The following EXOC1 variants were observed in gnomAD, a reference collection of about 807,000 sequenced individuals.
The protein encoded by EXOC1 is SEC3-like 1.
In EXOC1, 67 loss-of-function variants were observed where a neutral mutation model predicts 107.7. The ratio of observed to expected loss-of-function variants is 0.62; its 90% CI spans 0.51 to 0.76. EXOC1 has a LOEUF of 0.76. EXOC1 is among the 30% of genes least tolerant of loss of function. The pLI, the probability that EXOC1 is intolerant of heterozygous loss-of-function variation, is 0.00. For synonymous variants in EXOC1, 348 were observed against 353.5 expected (o/e 0.98, Z 0.17); for missense variants, 833 against 1,055.7 (o/e 0.79, Z 2.92).
At chr4:55,855,642 G>A (rs1176933692) in intron 1 of EXOC1, among the ~76,000 whole-genome samples, 2 of 152,162 alleles carry the variant, frequency 1.3e-5, no homozygotes, top group East Asian at 1.9e-4. Context: ...CTCTTTGCGT[G>A]GGGCGGCTGC....
intron 17 of EXOC1, chr4:55,902,104 G>A (rs1726014742): frequency 3.5e-6 from 1 of 285,190 alleles, no homozygotes; most frequent in African/African-American, 2.2e-5. Flanking sequence ...TAAATGTAAA[G>A]TGGGACATGA....
chr4:55,860,064 G>A (rs1288872966), intron 2 of EXOC1, among the ~76,000 whole-genome samples: 2 of 152,220 alleles, frequency 1.3e-5, no homozygotes, highest in Admixed American at 1.3e-4. Flanking sequence ...ATATATAAAT[G>A]TATTGTTGCT....
At chr4:55,861,889 A>G (rs1350514124) in intron 3 of EXOC1, among the ~76,000 whole-genome samples, 1 of 152,218 alleles carries the variant, frequency 6.6e-6, no homozygotes, top group East Asian at 1.9e-4. Flanking sequence ...CCCTGTCTCT[A>G]CTAAAATACA....
intron 9 of EXOC1, among the ~76,000 whole-genome samples, chr4:55,880,012 A>G (rs904227731): frequency 1.3e-5 from 2 of 152,168 alleles, no homozygotes; most frequent in Non-Finnish European, 1.5e-5. Flanking sequence ...AGCAACTTCT[A>G]TCTGGTATCT....
intron 8 of EXOC1, chr4:55,872,804 T>A: frequency 1.0e-6 from 1 of 980,228 alleles, no homozygotes; most frequent in Non-Finnish European, 1.2e-6. Flanking sequence ...TTTCTTTCGG[T>A]TCCTGTGAGT....
chr4:55,904,320 A>T, intron 18 of EXOC1, 23 bp from the exon 19 acceptor site: 1 of 1,570,478 alleles, frequency 6.4e-7, no homozygotes, highest in South Asian at 1.2e-5. Flanking sequence ...TCATAGCCTA[A>T]TGACTTTTTT....
intron 15 of EXOC1, among the ~76,000 whole-genome samples, chr4:55,895,932 T>G (rs910652195): frequency 1.3e-5 from 2 of 152,298 alleles, no homozygotes; most frequent in East Asian, 3.9e-4. Context: ...AATTTTAGAC[T>G]GACGAAAATT....
At chr4:55,864,409 A>T in intron 4 of EXOC1, 23 bp downstream of exon 4, 1 of 1,563,830 alleles carries the variant, frequency 6.4e-7, no homozygotes, top group Non-Finnish European at 8.7e-7. Context: ...AAAAATGTAT[A>T]TGTAAAATCA....
rs1436951912 is a variant in EXOC1, at chr4:55,893,559, A to G, written c.1732A>G (p.Met578Val). The G allele has an allele frequency of 8.1e-6, 13 of 1,612,738 alleles. No individual in the cohort carries two copies. In the East Asian group the frequency reaches 1.1e-4, roughly 14 times the overall value. The change falls in exon 15 of 19, where the codon ATG becomes GTG. Residue 578 changes from methionine (M) to valine (V), a missense_variant. Physicochemically the swap from Met to Val is conservative, Grantham distance 21. Coordinates refer to ENST00000381295, the MANE Select transcript of EXOC1 (RefSeq NM_001024924.2). ...TGTCTGTTTTCTGAACAGGAAAGAT[A>G]TGATCCGCCAAATGATGATTAAAAT... is the stretch of plus-strand genomic sequence containing the variant. ...TPLPVSSEKDMIRQMMIKIFR... is the reference protein window; with the variant it reads ...TPLPVSSEKDVIRQMMIKIFR...
At chr4:55,858,649 A>C (rs2110307439) in intron 2 of EXOC1, among the ~76,000 whole-genome samples, 1 of 152,262 alleles carries the variant, frequency 6.6e-6, no homozygotes, top group African/African-American at 2.4e-5. Flanking sequence ...TTGTGGTTTT[A>C]AATTATATTT....
chr4:55,854,751 GAGA>G (rs2110297421), intron 1 of EXOC1, among the ~76,000 whole-genome samples: 1 of 152,316 alleles, frequency 6.6e-6, no homozygotes, highest in South Asian at 2.1e-4. Context: ...CTTTTAGCCA[GAGA>G]AGGAGTATGT....
At chr4:55,880,914 G>A (rs1161828680) in intron 9 of EXOC1, among the ~76,000 whole-genome samples, 1 of 152,144 alleles carries the variant, frequency 6.6e-6, no homozygotes, top group African/African-American at 2.4e-5. Context: ...TTGCTGAAGA[G>A]TTGTCAAAAA....
At chr4:55,861,819 C>G (rs961626618) in intron 3 of EXOC1, among the ~76,000 whole-genome samples, 1 of 152,166 alleles carries the variant, frequency 6.6e-6, no homozygotes, top group African/African-American at 2.4e-5. Context: ...TTTGGGAGGC[C>G]GAGGCTGGTG....
chr4:55,886,567 C>CA (rs1553878021), intron 10 of EXOC1, among the ~76,000 whole-genome samples: 5 of 119,684 alleles, frequency 4.2e-5, no homozygotes, highest in Non-Finnish European at 7.3e-5. Flanking sequence ...AACAAAAAAA[C>CA]AAAAAAACAA....
At chr4:55,854,535 A>T (rs939504849) in intron 1 of EXOC1, among the ~76,000 whole-genome samples, 1 of 152,236 alleles carries the variant, frequency 6.6e-6, no homozygotes, top group Non-Finnish European at 1.5e-5. Flanking sequence ...CTTAGGATGT[A>T]AATGCCATAG....
rs76968010 is a variant in EXOC1, at chr4:55,899,796, C to T, written c.2249C>T (p.Ala750Val). ...LSRLKISCLEAEKKEAKQKYT... is the reference protein window; with the variant it reads ...LSRLKISCLEVEKKEAKQKYT... Reference sequence around the variant, plus strand: ...CGATTGAAAATCTCATGTCTAGAAGCAGAAAAAAAAGAAGCCAAACAAAAA... The same window carrying T: ...CGATTGAAAATCTCATGTCTAGAAGTAGAAAAAAAAGAAGCCAAACAAAAA... The change falls in exon 17 of 19, where the codon GCA (alanine) becomes GTA (valine). Residue 750 changes from alanine (A) to valine (V), a missense_variant. Physicochemically the swap from Ala to Val is moderately conservative, Grantham distance 64. Around this residue, in one of 2 missense-constraint regions of EXOC1, gnomAD observed 216 missense variants for 354.4 expected, o/e 0.61. Transcript: ENST00000381295. 1 of 1,612,972 alleles carries T rather than the reference C, an allele frequency of 6.2e-7. No homozygotes were observed. Among genetic ancestry groups the T allele is most frequent in the Non-Finnish European group, 8.5e-7 (1 of 1,179,504 alleles).
chr4:55,863,378 C>G lies in EXOC1; in HGVS notation c.256-849C>G, dbSNP rs1721657903. 2.6e-5 allele frequency among the ~76,000 whole-genome samples: 4 copies of G among 152,040 alleles called. No individual in the cohort carries two copies. In the South Asian group the frequency reaches 8.3e-4, roughly 32 times the overall value. On this transcript the variant is annotated intron_variant, in intron 3 of 18. Coordinates refer to ENST00000381295, the MANE Select transcript of EXOC1 (RefSeq NM_001024924.2). ...GTTAGGCCAGGAACAGGGCTCATGC[C>G]TGTAATTCCAGCACTTTGGGAGGCC...
Position 55,904,406 on chromosome 4 carries a change from G to T in EXOC1, c.2596G>T (p.Ala866Ser). ...RQYKHFEGLI[A>S]RCYPGSGVTM... The stretch of plus-strand genomic sequence containing the variant: ...GTATAAGCACTTTGAAGGTTTGATA[G>T]CTCGCTGTTATCCTGGATCTGGTGT... The change falls in exon 19 of 19, where the codon GCT becomes TCT. Residue 866 changes from alanine to serine, a missense_variant. Physicochemically the swap from Ala to Ser is moderately conservative, Grantham distance 99. Around this residue, in one of 2 missense-constraint regions of EXOC1, gnomAD observed 216 missense variants for 354.4 expected, o/e 0.61. Coordinates refer to ENST00000381295, the MANE Select transcript of EXOC1 (RefSeq NM_001024924.2). 6.2e-7 allele frequency: 1 copy of T among 1,612,458 alleles called. No individual in the cohort carries two copies. The highest frequency in any genetic ancestry group is 8.5e-7 in the Non-Finnish European group (1 of 1,179,628).
At chr4:55,873,591 T>G (rs1254658343) in intron 8 of EXOC1, among the ~76,000 whole-genome samples, 1 of 152,194 alleles carries the variant, frequency 6.6e-6, no homozygotes, top group African/African-American at 2.4e-5. Flanking sequence ...CCTTGTAAAC[T>G]AATGGCCTCG....
Sources: gnomAD v4.1 joint callset for allele counts (sites outside exome capture counted in the v4.1 genomes callset) on GRCh38, gnomAD v4.1.1 for gene constraint, gnomAD v4.1.1 regional missense constraint, MANE v1.5 for transcripts, NCBI Gene and HGNC (gene_info 2026-07-23, HGNC 2026-07-21) for gene names.